The following ZFR variants were observed in gnomAD, a reference collection of about 807,000 sequenced individuals.
ZFR encodes zinc finger RNA-binding protein.
Under a neutral mutation model 130.7 loss-of-function variants are expected in ZFR, and 19 were observed. The ratio of observed to expected loss-of-function variants is 0.15; its 90% confidence interval spans 0.10 to 0.21. The LOEUF (loss-of-function observed/expected upper bound fraction) is 0.21, where lower values mean the gene tolerates loss of function less well. Among genes scored for constraint, ZFR ranks in the 10% least tolerant of loss-of-function variants. The pLI is 1.00. For synonymous variants in ZFR, 466 were observed against 456.9 expected (o/e 1.02, Z -0.25); for missense variants, 872 against 1,321.5 (o/e 0.66, Z 5.27).
At chr5:32,397,137 T>C (rs1753332519) in intron 10 of ZFR, 82 bp downstream of exon 10, 11 of 1,481,910 alleles carry the variant, frequency 7.4e-6, no homozygotes, top group South Asian at 1.4e-5. Flanking sequence ...GTTTAGATGC[T>C]TTCTTTTACA....
chr5:32,369,485 T>C (rs928854677), intron 17 of ZFR, among the ~76,000 whole-genome samples: 1 of 150,720 alleles, frequency 6.6e-6, no homozygotes, highest in Admixed American at 6.6e-5. Context: ...TATCATTCTT[T>C]AAAACAAAAC....
At chr5:32,368,782 A>T (rs886088636) in intron 17 of ZFR, among the ~76,000 whole-genome samples, 2 of 152,194 alleles carry the variant, frequency 1.3e-5, no homozygotes, top group Non-Finnish European at 2.9e-5. Context: ...GTCTTCACAT[A>T]TATTAACCAA....
chr5:32,425,795 G>A (rs1754061157), intron 2 of ZFR, among the ~76,000 whole-genome samples: 1 of 152,162 alleles, frequency 6.6e-6, no homozygotes, highest in South Asian at 2.1e-4. Flanking sequence ...CAAAGTGCTG[G>A]GATTACAGGC....
intron 8 of ZFR, among the ~76,000 whole-genome samples, chr5:32,402,172 C>T (rs1032460568): frequency 1.3e-5 from 2 of 152,006 alleles, no homozygotes; most frequent in South Asian, 2.1e-4. Context: ...GACAGTGAGA[C>T]GAGGGCCAGG....
intron 2 of ZFR, among the ~76,000 whole-genome samples, chr5:32,438,868 T>C (rs1341875435): frequency 3.3e-5 from 5 of 152,226 alleles, no homozygotes; most frequent in Non-Finnish European, 7.3e-5. Flanking sequence ...GAAAATTTTA[T>C]ATTTAAACTT....
chr5:32,368,240 T>A (rs917444679), intron 17 of ZFR, among the ~76,000 whole-genome samples: 2 of 714 alleles, frequency 2.8e-3, no homozygotes, highest in South Asian at 0.045. Context: ...CATCAAAACT[T>A]TTTTCCCCCC....
At chr5:32,443,587 T>A (rs1005588503) in intron 2 of ZFR, among the ~76,000 whole-genome samples, 1 of 152,248 alleles carries the variant, frequency 6.6e-6, no homozygotes, top group Non-Finnish European at 1.5e-5. Flanking sequence ...TCTCTCTCCT[T>A]GCAGGAAAAA....
At chr5:32,413,941 C>T (rs1332437408) in intron 5 of ZFR, among the ~76,000 whole-genome samples, 1 of 152,174 alleles carries the variant, frequency 6.6e-6, no homozygotes, top group African/African-American at 2.4e-5. Context: ...TCATTCACCA[C>T]TCCAGCCAGA....
At chr5:32,377,610 T>A (rs954684504) in intron 17 of ZFR, among the ~76,000 whole-genome samples, 3 of 152,002 alleles carry the variant, frequency 2.0e-5, no homozygotes, top group African/African-American at 7.2e-5. Context: ...AAATGATGAA[T>A]AAGAAACTGG....
At chr5:32,442,395 G>A (rs1048224036) in intron 2 of ZFR, among the ~76,000 whole-genome samples, 9 of 152,022 alleles carry the variant, frequency 5.9e-5, no homozygotes, top group African/African-American at 1.9e-4. Flanking sequence ...ATTAGTCCAC[G>A]TAACCAAAAA....
At chr5:32,404,744 G>C (rs1436786172) in intron 6 of ZFR, among the ~76,000 whole-genome samples, 1 of 152,224 alleles carries the variant, frequency 6.6e-6, no homozygotes, top group African/African-American at 2.4e-5. Context: ...CATGATTGAG[G>C]AAGGCTGTTA....
chr5:32,384,256 G>C (rs1033800149), intron 15 of ZFR, among the ~76,000 whole-genome samples: 7 of 151,992 alleles, frequency 4.6e-5, no homozygotes, highest in African/African-American at 1.7e-4. Context: ...ATTGACTCAG[G>C]AACTGTTTCT....
chr5:32,428,371 G>A (rs1006903925), intron 2 of ZFR, among the ~76,000 whole-genome samples: 1 of 152,144 alleles, frequency 6.6e-6, no homozygotes, highest in African/African-American at 2.4e-5. Flanking sequence ...CCGAGATCAT[G>A]CCACTGCACT....
chr5:32,441,226 C>T (rs1267982729), intron 2 of ZFR, among the ~76,000 whole-genome samples: 4 of 152,238 alleles, frequency 2.6e-5, no homozygotes, highest in Non-Finnish European at 5.9e-5. Flanking sequence ...ATACACCCGC[C>T]TTAGCCTCCC....
chr5:32,443,783 G>A (rs1286314707), intron 2 of ZFR, among the ~76,000 whole-genome samples: 1 of 152,238 alleles, frequency 6.6e-6, no homozygotes, highest in Non-Finnish European at 1.5e-5. Context: ...GAAGCCAGTG[G>A]ACCTGCGACA....
At position 32,403,319 on chromosome 5, in the gene ZFR, T is replaced by C; in HGVS notation, c.1303A>G (p.Thr435Ala). Residue 435 changes from threonine (T) to alanine (A), a missense_variant, in exon 8 of 20, where the codon ACA becomes GCA. Physicochemically the swap from Thr to Ala is moderately conservative, Grantham distance 58 (BLOSUM62 0). This residue lies in a region of ZFR where 143 missense variants were observed against 137.9 expected (regional missense o/e 1.04). Transcript: ENST00000265069. ...GTCGGCTTTGAAGCAGATACAGCTGTTGAAGAAGTAGCTTGGCTAACAACA... is the reference window on the plus strand; with the variant it reads ...GTCGGCTTTGAAGCAGATACAGCTGCTGAAGAAGTAGCTTGGCTAACAACA... ...PNVVSQATSS[T>A]AVSASKPTAS... is the part of the protein sequence containing the mutation. The C allele has an allele frequency of 6.2e-7, 1 of 1,614,204 alleles. No individual in the cohort carries two copies. The highest frequency in any genetic ancestry group is 8.5e-7 in the Non-Finnish European group (1 of 1,180,032).
intron 17 of ZFR, among the ~76,000 whole-genome samples, chr5:32,375,844 T>G (rs563511413): frequency 7.3e-5 from 11 of 151,116 alleles, no homozygotes; most frequent in Admixed American, 6.6e-4. Context: ...AGTTTTTAAA[T>G]TAGTTTTTTT....
At chr5:32,438,251 AAATTTTTT>A (rs1267416434) in intron 2 of ZFR, among the ~76,000 whole-genome samples, 4,257 of 34,534 alleles carry the variant, frequency 0.12, 320 homozygotes, top group Middle Eastern at 0.26. Context: ...TTTTATCTGA[AAATTTTTT>A]TTTTTTTTTT....
intron 2 of ZFR, among the ~76,000 whole-genome samples, chr5:32,430,558 T>G (rs555419396): frequency 3.9e-5 from 6 of 152,068 alleles, no homozygotes; most frequent in Admixed American, 3.9e-4. Flanking sequence ...TGTCAAGAGA[T>G]TCCCTAAAAT....
Sources: gnomAD v4.1 joint callset for allele counts (sites outside exome capture counted in the v4.1 genomes callset) on GRCh38, gnomAD v4.1.1 for gene constraint, gnomAD v4.1.1 regional missense constraint, MANE v1.5 for transcripts, NCBI Gene and HGNC (gene_info 2026-07-23, HGNC 2026-07-21) for gene names.